The following MALRD1 variants were observed in gnomAD, a reference collection of about 807,000 sequenced individuals.
The protein encoded by MALRD1 is MAM and LDL receptor class A domain containing 1.
A neutral mutation model predicts 242.1 loss-of-function variants in MALRD1; 247 were observed. That is an observed-to-expected ratio of 1.02 (90% CI 0.92 to 1.13). MALRD1 has a LOEUF of 1.13. Among genes scored for constraint, MALRD1 ranks in the 50% most tolerant of loss-of-function variants. The pLI is 0.00. For missense variants in MALRD1, 2,989 were observed against 2,533.1 expected, an observed-to-expected ratio of 1.18 and a Z score of -3.86; for synonymous variants, 995 against 866.6, an observed-to-expected ratio of 1.15 and a Z score of -2.60.
intron 1 of MALRD1, among the ~76,000 whole-genome samples, chr10:19,060,054 G>A (rs1834777609): frequency 6.6e-6 from 1 of 152,180 alleles, no homozygotes; most frequent in East Asian, 1.9e-4. Flanking sequence ...TCCTATTTGA[G>A]TTCAGAGTCT....
chr10:19,360,379 C>A (rs1156502798), intron 26 of MALRD1, among the ~76,000 whole-genome samples: 2 of 152,008 alleles, frequency 1.3e-5, no homozygotes, highest in Non-Finnish European at 2.9e-5. Context: ...GATAAGTAGC[C>A]TAAATAGCTC....
chr10:19,124,934 G>GTTT (rs1837200858), intron 7 of MALRD1, among the ~76,000 whole-genome samples: 12 of 58,224 alleles, frequency 2.1e-4, no homozygotes, highest in Admixed American at 4.1e-4. Context: ...GTATTAAAAG[G>GTTT]CTTTTTTTTT....
At chr10:19,670,384 G>T (rs974353200) in intron 36 of MALRD1, among the ~76,000 whole-genome samples, 1 of 152,002 alleles carries the variant, frequency 6.6e-6, no homozygotes. Flanking sequence ...AAGACCCTTT[G>T]CCTCCAACAC....
intron 21 of MALRD1, among the ~76,000 whole-genome samples, chr10:19,287,939 A>G (rs1000987979): frequency 1.3e-5 from 2 of 152,110 alleles, no homozygotes; most frequent in African/African-American, 4.8e-5. Flanking sequence ...CTTGCTGTAA[A>G]CAAGCAGGGA....
At chr10:19,577,176 T>C (rs1296602945) in intron 33 of MALRD1, among the ~76,000 whole-genome samples, 3 of 152,170 alleles carry the variant, frequency 2.0e-5, no homozygotes, top group Non-Finnish European at 4.4e-5. Flanking sequence ...TCATAAGGCC[T>C]CGTTTTAAAA....
At chr10:19,358,733 C>G (rs973923141) in intron 26 of MALRD1, among the ~76,000 whole-genome samples, 3 of 152,112 alleles carry the variant, frequency 2.0e-5, no homozygotes, top group Non-Finnish European at 4.4e-5. Flanking sequence ...GGAATACAGT[C>G]GGTGTTGTGT....
At position 19,708,563 on chromosome 10, in the gene MALRD1, T is replaced by A. The variant is rs1220363105; in HGVS notation, c.6314+16009T>A. ...GTCTTGCTGTATTGTTGAGACTGGA[T>A]TCAAACTCCTGGGCTCAAGTGATTC... On this transcript the variant is annotated intron_variant, in intron 38 of 39. Coordinates refer to ENST00000454679, the MANE Select transcript of MALRD1 (RefSeq NM_001142308.3). 1.7e-4 allele frequency among the ~76,000 whole-genome samples: 19 copies of A among 111,508 alleles called. 4 individuals carry two copies. The highest frequency in any genetic ancestry group is 3.1e-4 in the Non-Finnish European group (15 of 48,624). The allele number at this position is 111,508 out of a possible 152,430, so 73.2% of individuals were successfully genotyped here.
Position 19,473,212 on chromosome 10 carries a change from T to A in MALRD1, c.5030-18305T>A, listed in dbSNP as rs1003675144. Among the ~76,000 whole-genome samples the A allele has an allele frequency of 4.0e-5, 6 of 148,944 alleles. No individual in the cohort carries two copies. The Admixed American group carries it at 4.1e-4, about 10-fold the overall frequency. On this transcript the variant is annotated intron_variant, in intron 29 of 39. Coordinates refer to ENST00000454679, the MANE Select transcript of MALRD1 (RefSeq NM_001142308.3). ...AATTTTTCAACTTAAATTTTGAGGA[T>A]AAAGTGAGGTTATGACGTATACCCT... is the stretch of plus-strand genomic sequence containing the variant.
intron 29 of MALRD1, among the ~76,000 whole-genome samples, chr10:19,480,588 T>A (rs1049746605): frequency 6.6e-6 from 1 of 152,210 alleles, no homozygotes; most frequent in African/African-American, 2.4e-5. Context: ...GACATTTATT[T>A]TAAAATGGTA....
At chr10:19,528,028 C>T (rs957916249) in intron 31 of MALRD1, among the ~76,000 whole-genome samples, 59 of 152,132 alleles carry the variant, frequency 3.9e-4, no homozygotes, top group African/African-American at 1.2e-3. Context: ...TTGCATTCCA[C>T]CTATGTTGTG....
At chr10:19,350,685 T>C (rs1292142173) in intron 25 of MALRD1, among the ~76,000 whole-genome samples, 4 of 152,228 alleles carry the variant, frequency 2.6e-5, no homozygotes, top group African/African-American at 9.6e-5. Context: ...CATGTTAACC[T>C]GATGGCATCA....
chr10:19,268,490 C>T (rs564389363), intron 19 of MALRD1, among the ~76,000 whole-genome samples: 26 of 152,188 alleles, frequency 1.7e-4, no homozygotes, highest in African/African-American at 5.8e-4. Context: ...GATATTTAAA[C>T]ATTTTAAATA....
At position 19,602,352 on chromosome 10, in the gene MALRD1, C is replaced by A. The variant is rs555419666; in HGVS notation, c.5945-5425C>A. Among the ~76,000 whole-genome samples, 18 of 131,666 alleles carry A rather than the reference C, an allele frequency of 1.4e-4. No homozygotes were observed. In the East Asian group the frequency reaches 3.8e-3, roughly 27 times the overall value. 86.4% of individuals were successfully genotyped at this position (131,666 alleles called of 152,430 possible). The stretch of plus-strand genomic sequence containing the variant: ...TAATGCTATCCCTCCCCCCTCCCCC[C>A]ACCCTATGACAGGCCCCGGTGTGTG... On this transcript the variant is annotated intron_variant, in intron 34 of 39. Transcript: ENST00000454679.
At chr10:19,588,256 A>G (rs969107216) in intron 33 of MALRD1, among the ~76,000 whole-genome samples, 2 of 152,168 alleles carry the variant, frequency 1.3e-5, no homozygotes, top group East Asian at 1.9e-4. Flanking sequence ...CAGTTCGTCC[A>G]TTTTGATTAT....
At chr10:19,325,295 T>C (rs188720706) in intron 22 of MALRD1, among the ~76,000 whole-genome samples, 146 of 152,176 alleles carry the variant, frequency 9.6e-4, no homozygotes, top group African/African-American at 3.4e-3. Context: ...CATGTCTCTC[T>C]AAAAAGGCCC....
rs1309147372 is a variant in MALRD1 at position 19,149,107 on chromosome 10, T to TCTAC, written c.1558+2766_1558+2767insCCTA. 1.7e-4 allele frequency among the ~76,000 whole-genome samples: 26 copies of TCTAC among 151,634 alleles called. 1 individual carries two copies. The South Asian group carries it at 5.4e-3, about 32-fold the overall frequency. ...ATCTATCTATCTATCTATCTATCTA[T>TCTAC]CTATCTATCTATCTATCTAACTAGC... On this transcript the variant is annotated intron_variant, in intron 11 of 39. Transcript: ENST00000454679.
chr10:19,433,594 AG>A (rs1406956577), intron 28 of MALRD1, among the ~76,000 whole-genome samples: 1 of 152,138 alleles, frequency 6.6e-6, no homozygotes, highest in African/African-American at 2.4e-5. Context: ...CATTGTGAAA[AG>A]TTTTTAACTC....
At chr10:19,293,918 A>G (rs895226238) in intron 21 of MALRD1, among the ~76,000 whole-genome samples, 2 of 152,216 alleles carry the variant, frequency 1.3e-5, no homozygotes, top group African/African-American at 2.4e-5. Context: ...TTACAAAAAA[A>G]CGAAATGCAG....
At chr10:19,573,633 G>A (rs1836668142) in intron 33 of MALRD1, among the ~76,000 whole-genome samples, 1 of 152,008 alleles carries the variant, frequency 6.6e-6, no homozygotes, top group South Asian at 2.1e-4. Context: ...CATTGGACCT[G>A]ATTTTTCTCA....
Sources: gnomAD v4.1 joint callset for allele counts (sites outside exome capture counted in the v4.1 genomes callset) on GRCh38, gnomAD v4.1.1 for gene constraint, MANE v1.5 for transcripts, NCBI Gene and HGNC (gene_info 2026-07-23, HGNC 2026-07-21) for gene names.